Variants in ATR observed in about 807,000 individuals in gnomAD.
ATR encodes the protein serine/threonine-protein kinase ATR.
A neutral mutation model predicts 305.3 loss-of-function variants in ATR; 142 were observed. The observed-to-expected ratio is 0.47, with a 90% confidence interval of 0.41 to 0.53. ATR has a LOEUF of 0.53. ATR is among the 20% of genes least tolerant of loss of function. The probability of loss-of-function intolerance (pLI) is 0.00; values close to 1 mark genes in which losing one functional copy is unlikely to be tolerated. For missense variants in ATR, 2,135 were observed against 3,133.1 expected, an observed-to-expected ratio of 0.68 and a Z score of 7.60; for synonymous variants, 1,050 against 1,068.1, an observed-to-expected ratio of 0.98 and a Z score of 0.33.
intron 45 of ATR, among the ~76,000 whole-genome samples, 198 bp from the exon 46 acceptor site, chr3:142,453,431 A>G (rs1230606267): frequency 6.6e-6 from 1 of 152,168 alleles, no homozygotes; most frequent in Non-Finnish European, 1.5e-5. Flanking sequence ...AAAAAAGGCA[A>G]GATAGAGGGG....
In ATR at chr3:142,541,090, G is replaced by C; in HGVS notation, c.3451-56C>G. ...GCTTATAAACATGCTGCCAGAAGCA[G>C]ATGAGCCCTAAGGACAAGTGCTTCC... On this transcript the variant is annotated intron_variant, in intron 17 of 46. Coordinates refer to ENST00000350721, the MANE Select transcript of ATR (RefSeq NM_001184.4). 1.9e-6 allele frequency: 3 copies of C among 1,595,868 alleles called. No individual in the cohort carries two copies. In the South Asian group the frequency reaches 3.3e-5, roughly 18 times the overall value.
In ATR at chr3:142,497,015, T is replaced by G; in HGVS notation, c.5736A>C (p.Lys1912Asn). ...TTAAAAAAAGTAGTGTGAGAAACCTTTTGTTGAGGCTTAGTAAAGCCCTCC... is the reference window on the plus strand; with the variant it reads ...TTAAAAAAAGTAGTGTGAGAAACCTGTTGTTGAGGCTTAGTAAAGCCCTCC... ...ALRRALLSLN[K>N]RPDYNEMVGE... The change falls in exon 33 of 47, where the codon AAA (lysine) becomes AAC (asparagine). Residue 1912 changes from lysine (K) to asparagine (N), a missense_variant and splice_region_variant. Transcript: ENST00000350721. 6.2e-7 allele frequency: 1 copy of G among 1,612,530 alleles called. No individual in the cohort carries two copies. Among genetic ancestry groups the G allele is most frequent in the Non-Finnish European group, 8.5e-7 (1 of 1,179,464 alleles).
At chr3:142,486,990 C>T (rs542414646) in intron 35 of ATR, among the ~76,000 whole-genome samples, 1 of 150,224 alleles carries the variant, frequency 6.7e-6, no homozygotes, top group African/African-American at 2.4e-5. Flanking sequence ...AACAATTAGC[C>T]GGGCGGTGGC....
chr3:142,537,849 C>T (rs1340609185), intron 19 of ATR, among the ~76,000 whole-genome samples: 1 of 152,166 alleles, frequency 6.6e-6, no homozygotes, highest in Non-Finnish European at 1.5e-5. Context: ...GTAATCCACA[C>T]TGGCTATAGC....
At chr3:142,481,035 C>G (rs551965624) in intron 36 of ATR, among the ~76,000 whole-genome samples, 1 of 152,258 alleles carries the variant, frequency 6.6e-6, no homozygotes, top group Non-Finnish European at 1.5e-5. Flanking sequence ...TTGCACTTCC[C>G]AGGTGAGGCA....
At chr3:142,466,289 T>G (rs1458805713) in intron 40 of ATR, 35 bp downstream of exon 40, 1 of 1,580,446 alleles carries the variant, frequency 6.3e-7, no homozygotes, top group East Asian at 2.2e-5. Flanking sequence ...AACAACTAAA[T>G]TTTAAAATCA....
chr3:142,560,275 T>G lies in ATR; in HGVS notation c.1529A>C (p.Gln510Pro). The stretch of plus-strand genomic sequence containing the variant: ...AAGTTTGTTTTACCAGTTCATGTTT[T>G]GATGAGAACAATGAACAGTACACAG... Reference protein sequence around the residue: ...TALCTVHCSHQNMNCRTFKDC... With the variant: ...TALCTVHCSHPNMNCRTFKDC... Residue 510 changes from glutamine to proline, a missense_variant, in exon 6 of 47, where the codon CAA becomes CCA. Gln to Pro is a moderately conservative substitution (Grantham distance 76). Around this residue, in one of 9 missense-constraint regions of ATR, gnomAD observed 744 missense variants for 873.2 expected, o/e 0.85. Transcript: ENST00000350721. The G allele has an allele frequency of 6.2e-7, 1 of 1,613,786 alleles. No homozygotes were observed. Among genetic ancestry groups the G allele is most frequent in the Non-Finnish European group, 8.5e-7 (1 of 1,179,778 alleles).
intron 35 of ATR, among the ~76,000 whole-genome samples, chr3:142,488,954 T>C (rs1005283609): frequency 6.6e-6 from 1 of 152,216 alleles, no homozygotes; most frequent in Non-Finnish European, 1.5e-5. Context: ...TTTTAATGTT[T>C]TAATTTTTAT....
rs1476664358 is a variant in ATR at position 142,454,540 on chromosome 3, C to T, written c.7656-1307G>A. Among the ~76,000 whole-genome samples the T allele has an allele frequency of 4.8e-5, 7 of 145,876 alleles. No individual in the cohort carries two copies. The Admixed American group carries it at 5.0e-4, about 10-fold the overall frequency. ...ACTGCAGGCTCCGCCCCCTGGGGTTCACGCCATTCTCCTGCCTCAGCCTCC... is the reference window on the plus strand; with the variant it reads ...ACTGCAGGCTCCGCCCCCTGGGGTTTACGCCATTCTCCTGCCTCAGCCTCC... On this transcript the variant is annotated intron_variant, in intron 45 of 46. Coordinates refer to ENST00000350721, the MANE Select transcript of ATR (RefSeq NM_001184.4).
Position 142,458,946 on chromosome 3 carries a change from C to G in ATR, c.7503+12G>C, listed in dbSNP as rs2108259752. On this transcript the variant is annotated intron_variant, in intron 44 of 46. Transcript: ENST00000350721. ...GAAAACACAATTAGTAAGAGTAACT[C>G]ATATCACATACCTTATTGAAAAGAC... is the stretch of plus-strand genomic sequence containing the variant. 1 of 1,612,636 alleles carries G rather than the reference C, an allele frequency of 6.2e-7. No individual in the cohort carries two copies. The highest frequency in any genetic ancestry group is 1.3e-5 in the African/African-American group (1 of 74,994).
chr3:142,468,156 A>T, intron 38 of ATR, 88 bp from the exon 39 acceptor site: 1 of 1,473,910 alleles, frequency 6.8e-7, no homozygotes, highest in Middle Eastern at 2.4e-4. Flanking sequence ...AAAACTTAAA[A>T]AGTATTCATG....
intron 1 of ATR, 23 bp from the exon 2 acceptor site, chr3:142,568,177 T>G: frequency 2.5e-6 from 4 of 1,587,358 alleles, no homozygotes; most frequent in Non-Finnish European, 3.5e-6. Context: ...TTAAAAGCTT[T>G]TAATCCTTAA....
chr3:142,491,669 G>T (rs112366351), intron 35 of ATR, among the ~76,000 whole-genome samples: 2,728 of 152,276 alleles, frequency 0.018, 29 homozygotes, highest in South Asian at 0.041. Flanking sequence ...ATCAAGGTTA[G>T]TTTCTTAGGT....
intron 3 of ATR, among the ~76,000 whole-genome samples, chr3:142,563,924 A>C (rs1324694402): frequency 6.6e-6 from 1 of 152,216 alleles, no homozygotes; most frequent in Non-Finnish European, 1.5e-5. Context: ...TTGTACTCTG[A>C]ATAGAAGATC....
At chr3:142,553,429 C>CACAA (rs1429644620) in intron 12 of ATR, 31 bp from the exon 13 acceptor site, 1 of 1,535,130 alleles carries the variant, frequency 6.5e-7, no homozygotes, top group South Asian at 1.1e-5. Flanking sequence ...CATATGAATA[C>CACAA]ACAAACACAC....
intron 27 of ATR, among the ~76,000 whole-genome samples, chr3:142,509,545 ATTTTTTTTTTTTTTTTTTT>A (rs71629538): frequency 5.4e-5 from 4 of 73,796 alleles, no homozygotes; most frequent in Non-Finnish European, 1.0e-4. Context: ...TCAAATTCTG[ATTTTTTTTTTTTTTTTTTT>A]TTTTTTTTTG....
In ATR at chr3:142,454,165, T is replaced by C. The variant is rs571933129; in HGVS notation, c.7656-932A>G. 1.2e-4 allele frequency among the ~76,000 whole-genome samples: 19 copies of C among 152,326 alleles called. No individual in the cohort carries two copies. In the South Asian group the frequency reaches 3.7e-3, roughly 30 times the overall value. On this transcript the variant is annotated intron_variant, in intron 45 of 46. Coordinates refer to ENST00000350721, the MANE Select transcript of ATR (RefSeq NM_001184.4). Reference sequence around the variant, plus strand: ...AGCACCACCTCCTGGAAGTATACCCTCTGGAATACATACTGTATTTCTCAG... The same window carrying C: ...AGCACCACCTCCTGGAAGTATACCCCCTGGAATACATACTGTATTTCTCAG...
At chr3:142,550,042 G>A in intron 14 of ATR, 90 bp downstream of exon 14, 2 of 1,504,872 alleles carry the variant, frequency 1.3e-6, no homozygotes, top group Non-Finnish European at 1.8e-6. Context: ...TACAGCATAA[G>A]CAATAATCTC....
Position 142,562,768 on chromosome 3 carries a change from C to T in ATR, c.634G>A (p.Val212Ile), listed in dbSNP as rs769867385. 1.2e-6 allele frequency: 2 copies of T among 1,611,294 alleles called. No homozygotes were observed. ...ACAATTGCAATAATACGAGTAAGAA[C>T]CATTAATAAAGTGACTTCAATAAAT... ...LEFIEVTLLM[V>I]LTRIIAIVFF... Residue 212 changes from valine to isoleucine, a missense_variant, in exon 4 of 47, where the codon GTT becomes ATT. Val to Ile is a conservative substitution (Grantham distance 29). This residue lies in a region of ATR where 744 missense variants were observed against 873.2 expected (regional missense o/e 0.85). Transcript: ENST00000350721.
Sources: gnomAD v4.1 joint callset for allele counts (sites outside exome capture counted in the v4.1 genomes callset) on GRCh38, gnomAD v4.1.1 for gene constraint, gnomAD v4.1.1 regional missense constraint, MANE v1.5 for transcripts, NCBI Gene and HGNC (gene_info 2026-07-23, HGNC 2026-07-21) for gene names.